The following DNAH10 variants were observed in gnomAD, a reference collection of about 807,000 sequenced individuals.
The protein encoded by DNAH10 is axonemal beta dynein heavy chain 10.
In DNAH10, 348 loss-of-function variants were observed where a neutral mutation model predicts 506.6. That is an observed-to-expected ratio of 0.69 (90% CI 0.63 to 0.75). The LOEUF (loss-of-function observed/expected upper bound fraction) is 0.75, where lower values mean the gene tolerates loss of function less well. DNAH10 is among the 30% of genes least tolerant of loss of function. The pLI is 0.00. For missense variants in DNAH10, 5,179 were observed against 5,787.1 expected (o/e 0.89, Z 3.41); for synonymous variants, 2,059 against 2,198.6 (o/e 0.94, Z 1.78).
chr12:123,773,965 C>T (rs987069326), intron 4 of DNAH10, among the ~76,000 whole-genome samples, 184 bp from the exon 5 acceptor site: 1 of 152,240 alleles, frequency 6.6e-6, no homozygotes, highest in Non-Finnish European at 1.5e-5. Context: ...GCATTGGTAT[C>T]CATTTCAGCT....
chr12:123,771,811 A>G (rs1957263779), intron 3 of DNAH10, 113 bp downstream of exon 3: 2 of 941,680 alleles, frequency 2.1e-6, no homozygotes, highest in East Asian at 5.3e-5. Flanking sequence ...TTGGAATGGA[A>G]ATTATAGGAT....
At chr12:123,805,167 C>A (rs985026615) in intron 18 of DNAH10, 127 bp downstream of exon 18, 5 of 935,740 alleles carry the variant, frequency 5.3e-6, no homozygotes, top group African/African-American at 3.3e-5. Flanking sequence ...GGCTTTCTGG[C>A]AGAAGGGCAC....
At chr12:123,877,342 C>T (rs1455878446) in intron 47 of DNAH10, among the ~76,000 whole-genome samples, 2 of 152,070 alleles carry the variant, frequency 1.3e-5, no homozygotes, top group Non-Finnish European at 2.9e-5. Context: ...GATGGAGTCT[C>T]CCTCTGTCAC....
At chr12:123,800,668 C>T (rs1005389712) in intron 15 of DNAH10, among the ~76,000 whole-genome samples, 3 of 145,246 alleles carry the variant, frequency 2.1e-5, no homozygotes, top group Non-Finnish European at 3.0e-5. Flanking sequence ...GGAGACAGAG[C>T]GAGAGCCTGT....
In DNAH10 at chr12:123,764,419, A is replaced by G. The variant is rs138310615; in HGVS notation, c.214+1869A>G. ...TCATTGGCACCAAGTGAAATTATGG[A>G]AACCAAAAACACACTCGCAGGATTG... On this transcript the variant is annotated intron_variant, in intron 1 of 78. Coordinates refer to ENST00000673944, the MANE Select transcript of DNAH10 (RefSeq NM_001372106.1). Among the ~76,000 whole-genome samples the G allele has an allele frequency of 1.0e-3, 157 of 152,232 alleles. 2 individuals are homozygous for G. The East Asian group carries it at 0.025, about 24-fold the overall frequency.
chr12:123,912,540 C>T lies in DNAH10; in HGVS notation c.10135-558C>T, dbSNP rs555252296. On this transcript the variant is annotated intron_variant, in intron 59 of 78. Transcript: ENST00000673944. ...TAGGATGTTTAGCAGCATCTTCAGC[C>T]TCACCCCACTGGATGCCAGCAGCAC... Among the ~76,000 whole-genome samples, 14 of 151,528 alleles carry T rather than the reference C, an allele frequency of 9.2e-5. No homozygotes were observed. In the South Asian group the frequency reaches 2.9e-3, roughly 31 times the overall value.
At chr12:123,795,940 T>C (rs1958259311) in intron 12 of DNAH10, among the ~76,000 whole-genome samples, 1 of 152,202 alleles carries the variant, frequency 6.6e-6, no homozygotes, top group African/African-American at 2.4e-5. Context: ...GATGTGGTTA[T>C]TATGCATAGC....
intron 2 of DNAH10, among the ~76,000 whole-genome samples, chr12:123,768,622 A>G (rs888576288): frequency 1.3e-5 from 2 of 152,364 alleles, no homozygotes; most frequent in Admixed American, 1.3e-4. Context: ...ACACTCATGC[A>G]GGCGATGTCT....
In DNAH10 at chr12:123,799,684, A is replaced by G. The variant is rs562546831; in HGVS notation, c.2289+313A>G. On this transcript the variant is annotated intron_variant, in intron 14 of 78. Transcript: ENST00000673944. Reference sequence around the variant, plus strand: ...ACAAGCAAAGGGTTGGTTGAATCATATATGAAACAGAGCTGACAGCTGGCC... The same window carrying G: ...ACAAGCAAAGGGTTGGTTGAATCATGTATGAAACAGAGCTGACAGCTGGCC... 2.6e-5 allele frequency among the ~76,000 whole-genome samples: 4 copies of G among 152,344 alleles called. No individual in the cohort carries two copies. The East Asian group carries it at 5.8e-4, about 22-fold the overall frequency.
At chr12:123,807,891 A>T (rs1251260333) in intron 18 of DNAH10, among the ~76,000 whole-genome samples, 2 of 90,710 alleles carry the variant, frequency 2.2e-5, no homozygotes, top group Non-Finnish European at 4.2e-5. Flanking sequence ...AGGGAGAGAG[A>T]GGTGAAGAGA....
At position 123,913,899 on chromosome 12, in the gene DNAH10, T is replaced by A. The variant is rs905962655; in HGVS notation, c.10353-430T>A. Among the ~76,000 whole-genome samples the A allele has an allele frequency of 6.6e-6, 1 of 152,220 alleles. No individual in the cohort carries two copies. Among genetic ancestry groups the A allele is most frequent in the East Asian group, 1.9e-4 (1 of 5,198 alleles). On this transcript the variant is annotated intron_variant, in intron 60 of 78. Transcript: ENST00000673944. This position sits in a 1 kb window ranked among gnomAD's most constrained non-coding sequence, Gnocchi z 5.1. Reference sequence around the variant, plus strand: ...ATTTTCAGTATTTCTTAAACCTAAGTCTTGGGGCATTTACTGAAAGAGGAC... The same window carrying A: ...ATTTTCAGTATTTCTTAAACCTAAGACTTGGGGCATTTACTGAAAGAGGAC...
chr12:123,914,509 C>A lies in DNAH10; in HGVS notation c.10533C>A (p.Phe3511Leu), dbSNP rs749966128. The stretch of plus-strand genomic sequence containing the variant: ...GGGAGATCCCCCTGAGCCAGCCTTT[C>A]CGGCTGGAAAGCCTGCTCACGGATG... Reference protein sequence around the residue: ...LEREIPLSQPFRLESLLTDDV... With the variant: ...LEREIPLSQPLRLESLLTDDV... Residue 3511 changes from phenylalanine (F) to leucine (L), a missense_variant, in exon 61 of 79, where the codon TTC becomes TTA. Physicochemically the swap from Phe to Leu is conservative, Grantham distance 22. Around this residue, in one of 3 missense-constraint regions of DNAH10, gnomAD observed 4,844 missense variants for 5,430.5 expected, o/e 0.89. Coordinates refer to ENST00000673944, the MANE Select transcript of DNAH10 (RefSeq NM_001372106.1). 1.9e-6 allele frequency: 3 copies of A among 1,613,546 alleles called. No homozygotes were observed. The African/African-American group carries it at 4.0e-5, about 22-fold the overall frequency.
chr12:123,897,201 A>G (rs1157704103), intron 54 of DNAH10, among the ~76,000 whole-genome samples: 2 of 152,238 alleles, frequency 1.3e-5, no homozygotes, highest in Non-Finnish European at 2.9e-5. Flanking sequence ...ACAAGTGAAT[A>G]CTATCCCCGG....
Position 123,926,571 on chromosome 12 carries a change from A to T in DNAH10, c.11922-66A>T. On this transcript the variant is annotated intron_variant, in intron 68 of 78. Coordinates refer to ENST00000673944, the MANE Select transcript of DNAH10 (RefSeq NM_001372106.1). The surrounding 1 kb of genome is among the most constrained non-coding windows in gnomAD (Gnocchi z 4.1). The stretch of plus-strand genomic sequence containing the variant: ...CACCGGAGGAGGCAGCGCTGATCAG[A>T]CAGACCAGCCCCTGGTCTGGAGCTG... 6.5e-7 allele frequency: 1 copy of T among 1,538,342 alleles called. No homozygotes were observed. The highest frequency in any genetic ancestry group is 8.8e-7 in the Non-Finnish European group (1 of 1,134,792).
Position 123,825,236 on chromosome 12 carries a change from A to G in DNAH10, c.4180-1451A>G, listed in dbSNP as rs186699128. Among the ~76,000 whole-genome samples, 712 of 152,248 alleles carry G rather than the reference A, an allele frequency of 4.7e-3. 2 individuals carry two copies. The highest frequency in any genetic ancestry group is 7.6e-3 in the Admixed American group (116 of 15,298). On this transcript the variant is annotated intron_variant, in intron 24 of 78. Transcript: ENST00000673944. ...GCCACTGGTGACTGCAACAAGAAAA[A>G]AATCAATGGAGTGTGGCCGTGGAAG... is the stretch of plus-strand genomic sequence containing the variant.
At chr12:123,816,617 C>CAGA (rs1451259019) in intron 21 of DNAH10, among the ~76,000 whole-genome samples, 2 of 152,142 alleles carry the variant, frequency 1.3e-5, no homozygotes, top group Non-Finnish European at 2.9e-5. Flanking sequence ...AGTAAAGTGT[C>CAGA]CTTCTGAGTT....
At chr12:123,872,214 G>A (rs376543208) in intron 45 of DNAH10, among the ~76,000 whole-genome samples, 17 of 152,102 alleles carry the variant, frequency 1.1e-4, no homozygotes, top group African/African-American at 2.7e-4. Context: ...CCAATGTGTC[G>A]GGGGTCGGAT....
rs144551672 is a variant in DNAH10 at position 123,810,721 on chromosome 12, C to T, written c.3144+1768C>T. Among the ~76,000 whole-genome samples, 6 of 152,182 alleles carry T rather than the reference C, an allele frequency of 3.9e-5. No individual in the cohort carries two copies. The South Asian group carries it at 1.0e-3, about 26-fold the overall frequency. ...AAAAAAAAATGTTGAATAAACGGTACATGTTTTATAATCCATGCTAAGACA... is the reference window on the plus strand; with the variant it reads ...AAAAAAAAATGTTGAATAAACGGTATATGTTTTATAATCCATGCTAAGACA... On this transcript the variant is annotated intron_variant, in intron 19 of 78. Coordinates refer to ENST00000673944, the MANE Select transcript of DNAH10 (RefSeq NM_001372106.1).
rs1425732737 is a variant in DNAH10 at position 123,826,773 on chromosome 12, T to C, written c.4266T>C (p.Ala1422=). The stretch of plus-strand genomic sequence containing the variant: ...AAGGAATTGAAGGTTTTCTCAGGGC[T>C]CTCAGAAAGCTACCTCGGCCAGTCC... ...LQEGIEGFLR[A]LRKLPRPVRG... Residue 1422 remains alanine (A), a synonymous_variant, in exon 25 of 79, where the codon GCT becomes GCC. Transcript: ENST00000673944. 6.2e-7 allele frequency: 1 copy of C among 1,613,826 alleles called. No individual in the cohort carries two copies. Among genetic ancestry groups the C allele is most frequent in the African/African-American group, 1.3e-5 (1 of 74,900 alleles).
Sources: gnomAD v4.1 joint callset for allele counts (sites outside exome capture counted in the v4.1 genomes callset) on GRCh38, gnomAD v4.1.1 for gene constraint, gnomAD v4.1.1 regional missense constraint, Gnocchi (gnomAD v3.1) non-coding constraint, MANE v1.5 for transcripts, NCBI Gene and HGNC (gene_info 2026-07-23, HGNC 2026-07-21) for gene names.